Variants in KMT2E observed in about 807,000 individuals in gnomAD.
The protein encoded by KMT2E is histone reader KMT2E.
KMT2E carries 30 observed loss-of-function variants against 184.6 expected under a neutral mutation model. That is an observed-to-expected ratio of 0.16 (90% confidence interval 0.12 to 0.22). The LOEUF is 0.22. KMT2E is among the 10% of genes least tolerant of loss of function. KMT2E has a pLI of 1.00. For synonymous variants in KMT2E, 815 were observed against 776.5 expected (o/e 1.05, Z -0.82); for missense variants, 2,023 against 2,237.4 (o/e 0.90, Z 1.93).
chr7:105,082,955 A>G (rs1052001658), intron 13 of KMT2E, among the ~76,000 whole-genome samples: 2 of 152,176 alleles, frequency 1.3e-5, no homozygotes, highest in East Asian at 3.8e-4. Flanking sequence ...AATCATCTCC[A>G]TTAGGCATCT....
Position 105,113,568 on chromosome 7 carries a change from G to T in KMT2E, c.*235G>T. ...TGAACATTCCAGCTGTTTTTTTCTGGCAGATCTGATGCTGATTTGATGCTG... is the reference window on the plus strand; with the variant it reads ...TGAACATTCCAGCTGTTTTTTTCTGTCAGATCTGATGCTGATTTGATGCTG... On this transcript the variant is annotated 3_prime_UTR_variant, in exon 27 of 27. Transcript: ENST00000311117. 4.7e-6 allele frequency: 2 copies of T among 426,522 alleles called. No individual in the cohort carries two copies. The highest frequency in any genetic ancestry group is 8.2e-6 in the Non-Finnish European group (2 of 242,662). 26.4% of individuals were successfully genotyped at this position (426,522 alleles called of 1,614,324 possible). A position where few individuals can be genotyped will look rare whatever the true frequency, so the allele number is the denominator to read the frequency against.
At chr7:105,029,662 G>A (rs1201399279) in intron 1 of KMT2E, among the ~76,000 whole-genome samples, 1 of 152,080 alleles carries the variant, frequency 6.6e-6, no homozygotes, top group Admixed American at 6.6e-5. Context: ...AACGAAAGAA[G>A]GAGAAGAGAA....
Position 105,051,081 on chromosome 7 carries a change from C to CT in KMT2E, c.71+10061dup, listed in dbSNP as rs1796322438. 2.8e-5 allele frequency among the ~76,000 whole-genome samples: 4 copies of CT among 143,386 alleles called. No individual in the cohort carries two copies. In the South Asian group the frequency reaches 8.8e-4, roughly 32 times the overall value. The allele number at this position is 143,386 out of a possible 152,430, so 94.1% of individuals were successfully genotyped here. On this transcript the variant is annotated intron_variant, in intron 3 of 26. Coordinates refer to ENST00000311117, the MANE Select transcript of KMT2E (RefSeq NM_182931.3). ...TCCTTTTCTTTCTTTCTTTCTTCTT[C>CT]TTTCTTTCTTTTTTCTCTCTCTCTC...
intron 3 of KMT2E, among the ~76,000 whole-genome samples, chr7:105,051,718 A>G (rs1584730860): frequency 1.3e-5 from 2 of 152,140 alleles, no homozygotes; most frequent in Admixed American, 1.3e-4. Context: ...TCCTGGGTTC[A>G]AGCAGTTCTC....
At chr7:105,089,846 A>T (rs549166525) in intron 13 of KMT2E, among the ~76,000 whole-genome samples, 163 bp from the exon 14 acceptor site, 2 of 152,246 alleles carry the variant, frequency 1.3e-5, no homozygotes, top group South Asian at 2.1e-4. Flanking sequence ...AATGAAAAAA[A>T]TTTTTTGTGG....
At chr7:105,060,015 G>A (rs1290179831) in intron 3 of KMT2E, among the ~76,000 whole-genome samples, 4 of 50,972 alleles carry the variant, frequency 7.8e-5, no homozygotes, top group Non-Finnish European at 1.6e-4. Context: ...TTTTTTTGGA[G>A]ACAGAGTCTT....
intron 3 of KMT2E, among the ~76,000 whole-genome samples, chr7:105,047,627 G>A (rs1244004129): frequency 6.6e-6 from 1 of 152,198 alleles, no homozygotes; most frequent in Non-Finnish European, 1.5e-5. Flanking sequence ...TGAGTCCAAT[G>A]TTAACTTCTT....
chr7:105,051,790 T>A (rs1317857907), intron 3 of KMT2E, among the ~76,000 whole-genome samples: 1 of 152,108 alleles, frequency 6.6e-6, no homozygotes, highest in African/African-American at 2.4e-5. Flanking sequence ...AGCTAATTTT[T>A]ATATTTTTAA....
rs1386432907 is a variant in KMT2E at position 105,076,870 on chromosome 7, TTTTG to T, written c.769-91_769-88del. 408 of 774,414 alleles carry T rather than the reference TTTTG, an allele frequency of 5.3e-4. 3 individuals carry two copies. The East Asian group carries it at 1.0e-2, about 19-fold the overall frequency. The allele number at this position is 774,414 out of a possible 1,614,324, so 48.0% of individuals were successfully genotyped here. A position where few individuals can be genotyped will look rare whatever the true frequency, so the allele number is the denominator to read the frequency against. On this transcript the variant is annotated intron_variant, in intron 9 of 26. Transcript: ENST00000311117. The stretch of plus-strand genomic sequence containing the variant: ...GTTCTTTTGTATAGATTGCCGTTAA[TTTTG>T]TGTGTGTGTGTGTGTGTGTGTGTGT...
chr7:105,082,288 C>G (rs1183690886), intron 13 of KMT2E, among the ~76,000 whole-genome samples: 2 of 152,138 alleles, frequency 1.3e-5, no homozygotes, highest in Admixed American at 1.3e-4. Context: ...AATCTCAGTA[C>G]AGTTGGCCCT....
chr7:105,110,505 A>T lies in KMT2E; in HGVS notation c.3873A>T (p.Ser1291=). 6.2e-7 allele frequency: 1 copy of T among 1,614,106 alleles called. No homozygotes were observed. The highest frequency in any genetic ancestry group is 8.5e-7 in the Non-Finnish European group (1 of 1,180,006). ...SGGESPCVSC[S]PSHVQSSPSS... is the part of the protein sequence containing the mutation. ...GAGAATCACCATGTGTCTCATGTTC[A>T]CCGAGTCATGTTCAGTCTTCACCTT... Residue 1291 remains serine (S), a synonymous_variant, in exon 25 of 27, where the codon TCA becomes TCT. Transcript: ENST00000311117.
intron 13 of KMT2E, among the ~76,000 whole-genome samples, chr7:105,087,044 TAA>T (rs1041848789): frequency 5.4e-5 from 8 of 147,254 alleles, no homozygotes; most frequent in South Asian, 4.2e-4. Context: ...ATGGCATGTA[TAA>T]TATATATAGC....
chr7:105,027,910 T>A, intron 1 of KMT2E, among the ~76,000 whole-genome samples: 1 of 152,232 alleles, frequency 6.6e-6, no homozygotes, highest in South Asian at 2.1e-4. Context: ...TAGTAAATAT[T>A]TTAAATACAT....
At chr7:105,059,848 A>G (rs1424848988) in intron 3 of KMT2E, among the ~76,000 whole-genome samples, 1 of 152,022 alleles carries the variant, frequency 6.6e-6, no homozygotes, top group Non-Finnish European at 1.5e-5. Context: ...TTTTCTTATT[A>G]CTGCTATATT....
chr7:105,098,339 A>C (rs927300119), intron 15 of KMT2E, among the ~76,000 whole-genome samples: 2 of 151,700 alleles, frequency 1.3e-5, no homozygotes, highest in African/African-American at 4.8e-5. Flanking sequence ...TCCTGGACTC[A>C]AGCAATCCTC....
chr7:105,086,333 C>T (rs1797962581), intron 13 of KMT2E, among the ~76,000 whole-genome samples: 1 of 152,166 alleles, frequency 6.6e-6, no homozygotes, highest in African/African-American at 2.4e-5. Flanking sequence ...AGAATGCGCA[C>T]AGCATGAGTT....
intron 6 of KMT2E, among the ~76,000 whole-genome samples, chr7:105,067,340 C>T (rs1213680849): frequency 6.6e-6 from 1 of 151,868 alleles, no homozygotes; most frequent in Non-Finnish European, 1.5e-5. Flanking sequence ...TAGATGAATA[C>T]TCCCTTAGTT....
chr7:105,087,846 G>T, intron 13 of KMT2E, among the ~76,000 whole-genome samples: 1 of 133,630 alleles, frequency 7.5e-6, no homozygotes, highest in East Asian at 2.1e-4. Context: ...TTTTTTCCCA[G>T]AAGTTCTTTA....
intron 12 of KMT2E, 95 bp downstream of exon 12, chr7:105,079,058 A>G: frequency 1.5e-6 from 1 of 666,638 alleles, no homozygotes; most frequent in Non-Finnish European, 2.7e-6. Flanking sequence ...GACCTAAGAC[A>G]CTTTCCACCT....
Sources: gnomAD v4.1 joint callset for allele counts (sites outside exome capture counted in the v4.1 genomes callset) on GRCh38, gnomAD v4.1.1 for gene constraint, MANE v1.5 for transcripts, NCBI Gene and HGNC (gene_info 2026-07-23, HGNC 2026-07-21) for gene names.